Variants in SVIL observed in about 807,000 individuals in gnomAD.
SVIL encodes the protein supervillin, also known as archvillin.
SVIL carries 101 observed loss-of-function variants against 240.4 expected under a neutral mutation model. That is an observed-to-expected ratio of 0.42 (90% CI 0.36 to 0.50). The LOEUF (loss-of-function observed/expected upper bound fraction) is 0.50, where lower values mean the gene tolerates loss of function less well. Among genes scored for constraint, SVIL ranks in the 20% least tolerant of loss-of-function variants. The probability of loss-of-function intolerance (pLI) is 0.01; values close to 1 mark genes in which losing one functional copy is unlikely to be tolerated. For synonymous variants in SVIL, 999 were observed against 1,100.0 expected (o/e 0.91, Z 1.82); for missense variants, 2,512 against 2,818.7 (o/e 0.89, Z 2.46).
At position 29,479,107 on chromosome 10, in the gene SVIL, C is replaced by T. The variant is rs150501765; in HGVS notation, c.5377+1430G>A. Among the ~76,000 whole-genome samples, 641 of 152,162 alleles carry T rather than the reference C, an allele frequency of 4.2e-3. 5 individuals carry two copies. Among genetic ancestry groups the T allele is most frequent in the African/African-American group, 0.015 (607 of 41,528 alleles). On this transcript the variant is annotated intron_variant, in intron 29 of 37. Coordinates refer to ENST00000355867, the MANE Select transcript of SVIL (RefSeq NM_021738.3). ...AAGTTTGGTGTGTTCAGCGGCCCAA[C>T]CTCAAGTCGCCTTGCTGCTGGTTCA...
At chr10:29,730,517 G>A (rs1222194898) in intron 1 of SVIL, among the ~76,000 whole-genome samples, 2 of 152,136 alleles carry the variant, frequency 1.3e-5, no homozygotes. Flanking sequence ...AACCCAACGG[G>A]GTTCTTGAGC....
chr10:29,666,308 CACG>C (rs1959286679), intron 2 of SVIL, among the ~76,000 whole-genome samples: 1 of 152,178 alleles, frequency 6.6e-6, no homozygotes, highest in South Asian at 2.1e-4. Context: ...CACAAGATTT[CACG>C]ACATCCTAAG....
intron 1 of SVIL, among the ~76,000 whole-genome samples, chr10:29,629,684 G>A (rs1354015660): frequency 1.3e-5 from 2 of 149,652 alleles, no homozygotes; most frequent in Non-Finnish European, 3.0e-5. Context: ...GGGGGCTACT[G>A]TAAAAATTAG....
At chr10:29,588,868 A>G (rs1250758652) in intron 1 of SVIL, among the ~76,000 whole-genome samples, 2 of 152,168 alleles carry the variant, frequency 1.3e-5, no homozygotes, top group Non-Finnish European at 2.9e-5. Context: ...TGCTCATCAG[A>G]GCCTCACAAG....
intron 17 of SVIL, among the ~76,000 whole-genome samples, chr10:29,509,996 G>C (rs557447819): frequency 6.6e-6 from 1 of 152,128 alleles, no homozygotes; most frequent in Admixed American, 6.5e-5. Context: ...TCAACTTCCC[G>C]AGCTCAAGCG....
At chr10:29,681,832 AT>A (rs58870744) in intron 2 of SVIL, among the ~76,000 whole-genome samples, 3,099 of 152,160 alleles carry the variant, frequency 0.02, 97 homozygotes, top group African/African-American at 0.071. Context: ...TCCTTGTCGC[AT>A]TTGTTTATTT....
intron 1 of SVIL, among the ~76,000 whole-genome samples, chr10:29,608,636 ACCCAGCACCCTGCTGC>A (rs1957116582): frequency 6.6e-6 from 1 of 152,238 alleles, no homozygotes; most frequent in Admixed American, 6.5e-5. Flanking sequence ...GTTGTGGCAG[ACCCAGCACCCTGCTGC>A]CTCAGCCCTT....
chr10:29,713,160 A>G (rs1963403010), intron 1 of SVIL, among the ~76,000 whole-genome samples: 1 of 151,264 alleles, frequency 6.6e-6, no homozygotes, highest in African/African-American at 2.4e-5. Flanking sequence ...TAAGCGACAG[A>G]GTGACAGTCC....
chr10:29,632,642 G>A (rs779762564), intron 1 of SVIL, among the ~76,000 whole-genome samples: 4 of 152,198 alleles, frequency 2.6e-5, no homozygotes, highest in Non-Finnish European at 4.4e-5. Flanking sequence ...ATAAAGAACT[G>A]TTTGTTGAAT....
intron 29 of SVIL, among the ~76,000 whole-genome samples, chr10:29,478,533 G>A (rs1946460069): frequency 6.6e-6 from 1 of 152,136 alleles, no homozygotes; most frequent in Admixed American, 6.6e-5. Context: ...TGGTAAGTGA[G>A]GGCCTGAGAT....
At chr10:29,655,281 CA>C (rs1958962401) in intron 3 of SVIL, among the ~76,000 whole-genome samples, 1 of 152,130 alleles carries the variant, frequency 6.6e-6, no homozygotes, top group Admixed American at 6.5e-5. Context: ...CTGGGGAAGT[CA>C]ATAGTGCAGC....
At chr10:29,630,894 C>T (rs1475027026) in intron 1 of SVIL, among the ~76,000 whole-genome samples, 1 of 152,128 alleles carries the variant, frequency 6.6e-6, no homozygotes, top group Non-Finnish European at 1.5e-5. Context: ...TCAAACAACT[C>T]ACATTTCTGG....
intron 18 of SVIL, among the ~76,000 whole-genome samples, chr10:29,497,239 T>C (rs912224707): frequency 1.3e-5 from 2 of 152,218 alleles, no homozygotes; most frequent in Non-Finnish European, 2.9e-5. Context: ...GTACTCTTCA[T>C]AAAAGTGTGG....
At chr10:29,483,897 T>C (rs1267309697) in intron 27 of SVIL, 2 of 152,250 alleles carry the variant, frequency 1.3e-5, no homozygotes, top group Non-Finnish European at 2.9e-5. Flanking sequence ...TTAAAATGTA[T>C]TGGGAGATGC....
intron 18 of SVIL, 32 bp downstream of exon 18, chr10:29,499,084 C>T: frequency 6.3e-7 from 1 of 1,597,494 alleles, no homozygotes; most frequent in Non-Finnish European, 8.5e-7. Context: ...GCATTGTGCA[C>T]ACACCACACA....
chr10:29,624,546 A>C (rs1957792763), intron 1 of SVIL, among the ~76,000 whole-genome samples: 1 of 152,188 alleles, frequency 6.6e-6, no homozygotes, highest in Non-Finnish European at 1.5e-5. Context: ...ACAAAACAAA[A>C]CAAAAAACGC....
chr10:29,530,568 C>T, intron 11 of SVIL, 39 bp downstream of exon 11: 1 of 1,612,216 alleles, frequency 6.2e-7, no homozygotes, highest in Non-Finnish European at 8.5e-7. Context: ...TTACTGCACC[C>T]AGTAGGGATC....
At chr10:29,670,111 T>G (rs1382452408) in intron 2 of SVIL, among the ~76,000 whole-genome samples, 1 of 148,734 alleles carries the variant, frequency 6.7e-6, no homozygotes, top group East Asian at 1.9e-4. Context: ...TGAGACTCCA[T>G]CTCAAAAAAA....
chr10:29,635,801 A>C (rs1297353027), upstream of SVIL, among the ~76,000 whole-genome samples: 1 of 152,188 alleles, frequency 6.6e-6, no homozygotes, highest in Non-Finnish European at 1.5e-5. Flanking sequence ...TGTCTGCACC[A>C]ACTTCAGTAT....
Sources: allele counts gnomAD v4.1 joint callset (sites outside exome capture counted in the v4.1 genomes callset), GRCh38; gene constraint gnomAD v4.1.1; transcripts MANE v1.5; gene names NCBI Gene and HGNC (gene_info 2026-07-23, HGNC 2026-07-21).